The following CTDP1 variants were observed in gnomAD, a reference collection of about 807,000 sequenced individuals.
The protein encoded by CTDP1 is RNA polymerase II subunit A C-terminal domain phosphatase.
CTDP1 carries 47 observed loss-of-function variants against 91.8 expected under a neutral mutation model. The observed-to-expected ratio is 0.51, with a 90% CI of 0.41 to 0.65. The LOEUF (loss-of-function observed/expected upper bound fraction) is 0.65, where lower values mean the gene tolerates loss of function less well. CTDP1 is among the 30% of genes least tolerant of loss of function. The probability of loss-of-function intolerance (pLI) is 0.00; values close to 1 mark genes in which losing one functional copy is unlikely to be tolerated. For missense variants in CTDP1, 1,272 were observed against 1,373.7 expected (o/e 0.93, Z 1.17); for synonymous variants, 656 against 598.5 (o/e 1.10, Z -1.40).
chr18:79,704,658 T>G (rs2085929528), intron 4 of CTDP1, 109 bp from the exon 5 acceptor site: 1 of 1,454,142 alleles, frequency 6.9e-7, no homozygotes, highest in Admixed American at 1.7e-5. Context: ...AGAACGCTTG[T>G]CTGGGGCACA....
upstream of CTDP1, chr18:79,679,356 C>G (rs1047702620): frequency 8.9e-6 from 4 of 450,338 alleles, no homozygotes; most frequent in Non-Finnish European, 1.8e-5. Flanking sequence ...GCGCGCAAGG[C>G]ATGCCGGGAC....
chr18:79,714,232 T>C (rs1336672925), intron 7 of CTDP1, among the ~76,000 whole-genome samples: 1 of 152,108 alleles, frequency 6.6e-6, no homozygotes, highest in Non-Finnish European at 1.5e-5. Context: ...ATTTTTTGGA[T>C]TGGGGATGTT....
chr18:79,711,296 A>G (rs989209203), intron 6 of CTDP1, among the ~76,000 whole-genome samples: 1 of 152,120 alleles, frequency 6.6e-6, no homozygotes, highest in Non-Finnish European at 1.5e-5. Flanking sequence ...TTTCATTCCT[A>G]TGCGAAGACC....
upstream of CTDP1, chr18:79,679,517 G>C (rs527429653): frequency 7.9e-5 from 36 of 458,100 alleles, 1 homozygote; most frequent in Admixed American, 8.0e-4. Context: ...GCTGGGACTC[G>C]TAGTCCCGCC....
upstream of CTDP1, chr18:79,677,765 A>T (rs896698280): frequency 6.8e-6 from 1 of 146,436 alleles, no homozygotes; most frequent in Non-Finnish European, 1.5e-5. Context: ...ACCATCCAGT[A>T]GTCTGTAAAT....
At chr18:79,751,695 G>A (rs964859790) in intron 12 of CTDP1, among the ~76,000 whole-genome samples, 2 of 152,204 alleles carry the variant, frequency 1.3e-5, no homozygotes, top group African/African-American at 4.8e-5. Context: ...CATGCGTGCT[G>A]TGTGTGCGTG....
At chr18:79,686,065 C>A (rs1475692719) in intron 1 of CTDP1, among the ~76,000 whole-genome samples, 1 of 152,176 alleles carries the variant, frequency 6.6e-6, no homozygotes, top group African/African-American at 2.4e-5. Context: ...TAACAGAAAA[C>A]CACTGGGCCT....
rs2086182161 is a variant in CTDP1, at chr18:79,715,302, G to A, written c.1842G>A (p.Lys614=). ...CCAAGTATGACCGCTACCTCAACAA[G>A]GAGATCGAGGAGGCGCCGGACATCC... ...YYAKYDRYLN[K]EIEEAPDIRK... is the part of the protein sequence containing the mutation. Residue 614 remains lysine (K), a synonymous_variant, in exon 8 of 13, where the codon AAG becomes AAA. Coordinates refer to ENST00000613122, the MANE Select transcript of CTDP1 (RefSeq NM_004715.5). 6.2e-7 allele frequency: 1 copy of A among 1,609,582 alleles called. No individual in the cohort carries two copies. Among genetic ancestry groups the A allele is most frequent in the Non-Finnish European group, 8.5e-7 (1 of 1,178,002 alleles).
At chr18:79,723,933 CT>C (rs2086395335) in intron 10 of CTDP1, among the ~76,000 whole-genome samples, 1 of 152,234 alleles carries the variant, frequency 6.6e-6, no homozygotes, top group South Asian at 2.1e-4. Context: ...CATTCATGTC[CT>C]TCTCTTGCGG....
chr18:79,735,735 T>C (rs1446958242), intron 11 of CTDP1: 1 of 156,904 alleles, frequency 6.4e-6, no homozygotes, highest in Non-Finnish European at 1.4e-5. Flanking sequence ...CATCACCTGC[T>C]CACTTGCCTG....
chr18:79,746,270 CGCGTCCCTCCCGTGCGCGTTCTGTCCCT>C (rs1568219886), intron 12 of CTDP1, among the ~76,000 whole-genome samples: 9 of 32,208 alleles, frequency 2.8e-4, no homozygotes, highest in Non-Finnish European at 3.3e-4. Context: ...GTTCTGTGCC[CGCGTCCCTCCCGTGCGCGTTCTGTCCCT>C]GCGTCCCTCC....
intron 12 of CTDP1, among the ~76,000 whole-genome samples, chr18:79,747,339 T>G (rs993241589): frequency 6.6e-6 from 1 of 152,126 alleles, no homozygotes; most frequent in Non-Finnish European, 1.5e-5. Flanking sequence ...GAGGAGAGCA[T>G]GACAATGTTC....
chr18:79,719,368 C>T (rs572553790), intron 10 of CTDP1, among the ~76,000 whole-genome samples: 2 of 151,390 alleles, frequency 1.3e-5, no homozygotes, highest in African/African-American at 2.4e-5. Context: ...GGTGGCTTCC[C>T]GTGCGGCAGC....
Position 79,713,264 on chromosome 18 carries a change from TAG to T in CTDP1, c.1030+130_1030+131del, listed in dbSNP as rs2086120144. 9.8e-7 allele frequency: 1 copy of T among 1,021,166 alleles called. No homozygotes were observed. Among genetic ancestry groups the T allele is most frequent in the African/African-American group, 1.6e-5 (1 of 62,000 alleles). 63.3% of individuals were successfully genotyped at this position (1,021,166 alleles called of 1,614,324 possible). A position where few individuals can be genotyped will look rare whatever the true frequency, so the allele number is the denominator to read the frequency against. On this transcript the variant is annotated intron_variant, in intron 7 of 12. Transcript: ENST00000613122. This position sits in a 1 kb window ranked among gnomAD's most constrained non-coding sequence, Gnocchi z 4.7. ...TACACTTTTTTTATTTGTGTTTCAG[TAG>T]AGATTATTGGATTTATTTATAGAGT...
chr18:79,724,862 A>G (rs1035614016), intron 10 of CTDP1, among the ~76,000 whole-genome samples: 2 of 152,060 alleles, frequency 1.3e-5, no homozygotes, highest in African/African-American at 4.8e-5. Context: ...CCCCAGCCGC[A>G]TTGTCGCCGG....
chr18:79,676,886 C>T (rs1395493619), upstream of CTDP1, among the ~76,000 whole-genome samples: 1 of 152,146 alleles, frequency 6.6e-6, no homozygotes, highest in Non-Finnish European at 1.5e-5. Flanking sequence ...AAAGGTGGCA[C>T]ACCTATTAAA....
At chr18:79,688,890 T>C (rs182254354) in intron 1 of CTDP1, among the ~76,000 whole-genome samples, 1 of 152,216 alleles carries the variant, frequency 6.6e-6, no homozygotes, top group Admixed American at 6.5e-5. Context: ...GCAAGAACAG[T>C]GCACAGAATT....
intron 12 of CTDP1, among the ~76,000 whole-genome samples, chr18:79,741,268 C>T (rs890040561): frequency 2.5e-4 from 38 of 152,296 alleles, no homozygotes; most frequent in East Asian, 9.6e-4. Flanking sequence ...TGAGGTCCCC[C>T]GTGCGGTTGA....
At chr18:79,722,992 A>G (rs1279014237) in intron 10 of CTDP1, among the ~76,000 whole-genome samples, 1 of 152,104 alleles carries the variant, frequency 6.6e-6, no homozygotes, top group African/African-American at 2.4e-5. Flanking sequence ...GTCTGAGTTC[A>G]TGTGGCGCCT....
Sources: gnomAD v4.1 joint callset for allele counts (sites outside exome capture counted in the v4.1 genomes callset) on GRCh38, gnomAD v4.1.1 for gene constraint, Gnocchi (gnomAD v3.1) non-coding constraint, MANE v1.5 for transcripts, NCBI Gene and HGNC (gene_info 2026-07-23, HGNC 2026-07-21) for gene names.